Variants in CAB39L observed in about 807,000 individuals in gnomAD.
CAB39L encodes the protein calcium-binding protein 39-like.
A neutral mutation model predicts 39.1 loss-of-function variants in CAB39L; 23 were observed. The ratio of observed to expected loss-of-function variants is 0.59; its 90% confidence interval spans 0.42 to 0.83. The LOEUF (loss-of-function observed/expected upper bound fraction) is 0.83. Among genes scored for constraint, CAB39L ranks in the 40% least tolerant of loss-of-function variants. CAB39L has a pLI of 0.00. For missense variants in CAB39L, 366 were observed against 391.9 expected (o/e 0.93, Z 0.56); for synonymous variants, 126 against 137.2 (o/e 0.92, Z 0.57).
chr13:49,344,341 T>A, intron 7 of CAB39L, 103 bp from the exon 8 acceptor site: 1 of 664,894 alleles, frequency 1.5e-6, no homozygotes, highest in South Asian at 1.9e-5. Flanking sequence ...CAGAAGAACA[T>A]TTTCATTTGC....
chr13:49,378,637 G>T, intron 4 of CAB39L, among the ~76,000 whole-genome samples: 1 of 68,678 alleles, frequency 1.5e-5, no homozygotes, highest in Admixed American at 1.1e-4. Context: ...GAGGTGAGGG[G>T]CGCCTCTGCC....
At chr13:49,380,990 C>T (rs1393795920) in intron 4 of CAB39L, among the ~76,000 whole-genome samples, 1 of 152,184 alleles carries the variant, frequency 6.6e-6, no homozygotes, top group Non-Finnish European at 1.5e-5. Flanking sequence ...TGCAACAGCA[C>T]AATCTCAGCT....
chr13:49,389,079 T>C (rs1256580667), intron 3 of CAB39L, among the ~76,000 whole-genome samples: 1 of 152,046 alleles, frequency 6.6e-6, no homozygotes, highest in Non-Finnish European at 1.5e-5. Flanking sequence ...AAAGTGTTGA[T>C]GAGAATGCTG....
rs9634824 is a variant in CAB39L at position 49,405,715 on chromosome 13, G to A, written c.-31-22774C>T. On this transcript the variant is annotated intron_variant, in intron 3 of 10. Transcript: ENST00000409308. ...GCTGAAAGAAAGAAAGAAAGAAAGA[G>A]AGAGAGGAAGGAAGGAAGGAAGGAA... Among the ~76,000 whole-genome samples the A allele has an allele frequency of 5.4e-4, 24 of 44,336 alleles. No individual in the cohort carries two copies. In the South Asian group the frequency reaches 5.6e-3, roughly 10 times the overall value. 29.1% of individuals were successfully genotyped at this position (44,336 alleles called of 152,430 possible).
At chr13:49,386,853 C>T (rs1956374020) in intron 3 of CAB39L, among the ~76,000 whole-genome samples, 2 of 151,778 alleles carry the variant, frequency 1.3e-5, no homozygotes, top group African/African-American at 4.8e-5. Context: ...AGACTAAACA[C>T]CTCCCCCACT....
At chr13:49,420,495 CA>C (rs1957154619) in intron 3 of CAB39L, 1 of 152,266 alleles carries the variant, frequency 6.6e-6, no homozygotes, top group African/African-American at 2.4e-5. Flanking sequence ...ATCACTTTGC[CA>C]AACAGTATAA....
Position 49,371,430 on chromosome 13 carries a change from C to T in CAB39L, c.276+5537G>A, listed in dbSNP as rs547866784. Among the ~76,000 whole-genome samples the T allele has an allele frequency of 1.6e-4, 24 of 152,186 alleles. 1 individual carries two copies. In the South Asian group the frequency reaches 5.0e-3, roughly 32 times the overall value. ...GTCTCGAACTCCTGAATTTAGGTAT[C>T]CCAAAATGCTGGGATTACAGACGTA... On this transcript the variant is annotated intron_variant, in intron 5 of 10. Transcript: ENST00000409308.
intron 8 of CAB39L, among the ~76,000 whole-genome samples, chr13:49,341,226 A>G (rs1053202577): frequency 3.9e-5 from 6 of 152,196 alleles, no homozygotes; most frequent in Admixed American, 6.5e-5. Context: ...TTCATTTCCT[A>G]AATTCAAAAA....
intron 6 of CAB39L, among the ~76,000 whole-genome samples, chr13:49,358,851 C>T (rs749797548): frequency 1.3e-4 from 19 of 151,594 alleles, no homozygotes; most frequent in Non-Finnish European, 2.2e-4. Flanking sequence ...TAGAGCAAGA[C>T]GCTGTCTCAA....
chr13:49,440,547 A>ATG (rs937577105), intron 1 of CAB39L, among the ~76,000 whole-genome samples: 1 of 151,874 alleles, frequency 6.6e-6, no homozygotes, highest in Non-Finnish European at 1.5e-5. Context: ...GTAGCACTGA[A>ATG]TGTGTAGCTT....
chr13:49,349,471 T>TAC (rs1275799297), intron 7 of CAB39L, among the ~76,000 whole-genome samples: 1 of 149,642 alleles, frequency 6.7e-6, no homozygotes, highest in Non-Finnish European at 1.5e-5. Flanking sequence ...TATATATATA[T>TAC]ATATATACAT....
intron 3 of CAB39L, among the ~76,000 whole-genome samples, chr13:49,393,630 A>AATT (rs1367442330): frequency 6.6e-6 from 1 of 151,850 alleles, no homozygotes; most frequent in Non-Finnish European, 1.5e-5. Flanking sequence ...TTTTTTCTGA[A>AATT]ATAATAAAGA....
intron 1 of CAB39L, among the ~76,000 whole-genome samples, chr13:49,436,125 T>C (rs952761983): frequency 6.6e-6 from 1 of 152,218 alleles, no homozygotes; most frequent in Admixed American, 6.5e-5. Flanking sequence ...ATGGCTGTTT[T>C]GCTTTGTATG....
At chr13:49,404,795 A>C (rs961814622) in intron 3 of CAB39L, among the ~76,000 whole-genome samples, 1 of 152,194 alleles carries the variant, frequency 6.6e-6, no homozygotes, top group Admixed American at 6.5e-5. Context: ...AAACTGAAAA[A>C]TGCATCAGAG....
chr13:49,430,048 TTTG>T (rs1214098992), intron 3 of CAB39L, among the ~76,000 whole-genome samples: 7 of 152,198 alleles, frequency 4.6e-5, no homozygotes, highest in Non-Finnish European at 8.8e-5. Context: ...AGTGTTTTGT[TTTG>T]TTTTTTCACT....
chr13:49,381,560 G>C (rs1956254268), intron 4 of CAB39L, among the ~76,000 whole-genome samples: 1 of 152,106 alleles, frequency 6.6e-6, no homozygotes, highest in Non-Finnish European at 1.5e-5. Flanking sequence ...AGAAAACTTA[G>C]GCTGAAACAA....
intron 9 of CAB39L, among the ~76,000 whole-genome samples, chr13:49,337,343 A>C (rs924975788): frequency 6.6e-6 from 1 of 152,226 alleles, no homozygotes; most frequent in African/African-American, 2.4e-5. Context: ...CACTAAAAAC[A>C]GTCAGTTTTA....
At chr13:49,422,420 A>G (rs1359493541) in intron 3 of CAB39L, among the ~76,000 whole-genome samples, 2 of 152,154 alleles carry the variant, frequency 1.3e-5, no homozygotes, top group Non-Finnish European at 2.9e-5. Context: ...TAAAAATACA[A>G]AAAGTTAGTT....
rs143734695 is a variant in CAB39L at position 49,364,928 on chromosome 13, C to T, written c.277-5096G>A. Among the ~76,000 whole-genome samples the T allele has an allele frequency of 7.0e-3, 1,070 of 152,064 alleles. 21 individuals are homozygous for T. The highest frequency in any genetic ancestry group is 0.025 in the African/African-American group (1,027 of 41,498). On this transcript the variant is annotated intron_variant, in intron 5 of 10. Transcript: ENST00000409308. ...TCAAAATACCAATGACATTCTTCAT[C>T]GAAATAGAAAAAACCATCCTAAAAT...
Sources: gnomAD v4.1 joint callset for allele counts (sites outside exome capture counted in the v4.1 genomes callset) on GRCh38, gnomAD v4.1.1 for gene constraint, MANE v1.5 for transcripts, NCBI Gene and HGNC (gene_info 2026-07-23, HGNC 2026-07-21) for gene names.